DLGAP1: variants seen among roughly 807,000 people sequenced by gnomAD.
DLGAP1 encodes the protein disks large-associated protein 1.
Under a neutral mutation model 90.8 loss-of-function variants are expected in DLGAP1, and 11 were observed. The ratio of observed to expected loss-of-function variants is 0.12; its 90% confidence interval spans 0.08 to 0.20. DLGAP1 has a LOEUF of 0.20. Among genes scored for constraint, DLGAP1 ranks in the 10% least tolerant of loss-of-function variants. The probability of loss-of-function intolerance (pLI) is 1.00; values close to 1 mark genes in which losing one functional copy is unlikely to be tolerated. For missense variants in DLGAP1, 1,050 were observed against 1,333.8 expected, an observed-to-expected ratio of 0.79 and a Z score of 3.31; for synonymous variants, 558 against 540.7, an observed-to-expected ratio of 1.03 and a Z score of -0.44.
Position 3,879,208 on chromosome 18 carries a change from C to A in DLGAP1, c.861G>T (p.Arg287=). 2 of 1,561,720 alleles carry A rather than the reference C, an allele frequency of 1.3e-6. No homozygotes were observed. The highest frequency in any genetic ancestry group is 1.7e-6 in the Non-Finnish European group (2 of 1,154,214). ...SAWSSTLTVS[R]AREVYQKASV... Reference sequence around the variant, plus strand: ...AGGCCTTCTGGTAAACCTCCCGGGCCCGGCTCACGGTGAGCGTGGAGGACC... The same window carrying A: ...AGGCCTTCTGGTAAACCTCCCGGGCACGGCTCACGGTGAGCGTGGAGGACC... The change falls in exon 4 of 13, where the codon CGG becomes CGT. Residue 287 remains arginine (R), a synonymous_variant. Transcript: ENST00000315677. This position sits in a 1 kb window ranked among gnomAD's most constrained non-coding sequence, Gnocchi z 6.6.
At chr18:4,179,100 C>T (rs1283911893) in intron 1 of DLGAP1, among the ~76,000 whole-genome samples, 1 of 152,130 alleles carries the variant, frequency 6.6e-6, no homozygotes, top group Non-Finnish European at 1.5e-5. Flanking sequence ...CGCAGGACAA[C>T]AAAGCAGAGA....
chr18:4,083,473 T>C (rs1015843514), intron 2 of DLGAP1, among the ~76,000 whole-genome samples: 1 of 152,212 alleles, frequency 6.6e-6, no homozygotes, highest in African/African-American at 2.4e-5. Flanking sequence ...CATTTTAAAG[T>C]ACATTTATAT....
At chr18:4,331,345 G>A (rs11872541) in intron 1 of DLGAP1, among the ~76,000 whole-genome samples, 99,229 of 151,130 alleles carry the variant, frequency 0.66, 32,899 homozygotes, top group South Asian at 0.76. Flanking sequence ...CTTAGGAAAT[G>A]ACTCCATTCC....
chr18:4,373,741 C>T (rs770608816), intron 1 of DLGAP1, among the ~76,000 whole-genome samples: 49 of 152,120 alleles, frequency 3.2e-4, no homozygotes, highest in Admixed American at 9.2e-4. Context: ...TTCTTTAATT[C>T]GTCTCTCATT....
chr18:4,397,358 A>G (rs1322406891), intron 1 of DLGAP1, among the ~76,000 whole-genome samples: 1 of 152,224 alleles, frequency 6.6e-6, no homozygotes, highest in East Asian at 1.9e-4. Context: ...AAGTACTAAA[A>G]TAGATCATTT....
chr18:4,451,467 G>A (rs2083829313), intron 1 of DLGAP1, among the ~76,000 whole-genome samples: 1 of 152,126 alleles, frequency 6.6e-6, no homozygotes, highest in Non-Finnish European at 1.5e-5. Context: ...TTATCTGTGG[G>A]TGTCTAATAG....
chr18:4,254,085 T>A (rs912799693), intron 1 of DLGAP1, among the ~76,000 whole-genome samples: 4 of 152,134 alleles, frequency 2.6e-5, no homozygotes, highest in Non-Finnish European at 4.4e-5. Flanking sequence ...TCTCCCACAT[T>A]GTACTATGTC....
At chr18:3,959,637 C>A (rs2073155716) in intron 3 of DLGAP1, among the ~76,000 whole-genome samples, 1 of 149,522 alleles carries the variant, frequency 6.7e-6, no homozygotes, top group Non-Finnish European at 1.5e-5. Flanking sequence ...GCACTCCAGC[C>A]TGGGTGACAG....
intron 7 of DLGAP1, among the ~76,000 whole-genome samples, chr18:3,616,016 C>A (rs1008703088): frequency 6.6e-6 from 1 of 152,212 alleles, no homozygotes; most frequent in Non-Finnish European, 1.5e-5. Flanking sequence ...CTTTCTGTGG[C>A]TCTCAAATCA....
chr18:4,262,281 CTTAA>C (rs1481420455), intron 1 of DLGAP1, among the ~76,000 whole-genome samples: 1 of 152,124 alleles, frequency 6.6e-6, no homozygotes, highest in Non-Finnish European at 1.5e-5. Context: ...ATCTAATTCC[CTTAA>C]TTAAGAAAGT....
chr18:3,820,973 T>A (rs1172738577), intron 4 of DLGAP1, among the ~76,000 whole-genome samples: 1 of 152,240 alleles, frequency 6.6e-6, no homozygotes, highest in Non-Finnish European at 1.5e-5. Context: ...ACTATTTCCA[T>A]CTTACTGCTT....
chr18:3,496,797 A>C lies in DLGAP1; in HGVS notation c.*2388T>G, dbSNP rs2049709860. Reference sequence around the variant, plus strand: ...TTCTAACACCAATAATTAGCTTTTTATAAAGTGTTTGTACAATTTAAATTG... The same window carrying C: ...TTCTAACACCAATAATTAGCTTTTTCTAAAGTGTTTGTACAATTTAAATTG... On this transcript the variant is annotated 3_prime_UTR_variant, in exon 13 of 13. Transcript: ENST00000315677. 6.6e-6 allele frequency: 1 copy of C among 152,216 alleles called. No individual in the cohort carries two copies. The highest frequency in any genetic ancestry group is 1.5e-5 in the Non-Finnish European group (1 of 68,032). 9.4% of individuals were successfully genotyped at this position (152,216 alleles called of 1,614,324 possible).
At chr18:3,922,311 A>G (rs2072284817) in intron 3 of DLGAP1, among the ~76,000 whole-genome samples, 1 of 152,212 alleles carries the variant, frequency 6.6e-6, no homozygotes, top group Non-Finnish European at 1.5e-5. Flanking sequence ...TTGACAATGA[A>G]TGAAAAGGAG....
At chr18:3,615,390 C>A (rs934865736) in intron 7 of DLGAP1, among the ~76,000 whole-genome samples, 3 of 152,166 alleles carry the variant, frequency 2.0e-5, no homozygotes, top group African/African-American at 7.2e-5. Flanking sequence ...AGAGAAAGAG[C>A]ACAGATGCCT....
At chr18:3,645,407 C>T (rs185161546) in intron 7 of DLGAP1, among the ~76,000 whole-genome samples, 64 of 152,096 alleles carry the variant, frequency 4.2e-4, no homozygotes, top group African/African-American at 1.5e-3. Context: ...CTATGTATTG[C>T]CTGTAGGAAC....
chr18:3,663,270 T>TAAG (rs572639585), intron 7 of DLGAP1, among the ~76,000 whole-genome samples: 4 of 143,700 alleles, frequency 2.8e-5, no homozygotes, highest in African/African-American at 1.0e-4. Context: ...AGACTCCCCC[T>TAAG]AAAAAAAAAA....
chr18:4,403,539 C>T (rs771548552), intron 1 of DLGAP1, among the ~76,000 whole-genome samples: 6 of 152,040 alleles, frequency 3.9e-5, no homozygotes, highest in Non-Finnish European at 8.8e-5. Context: ...CTTTAAATTA[C>T]GCACAAAAAT....
intron 3 of DLGAP1, chr18:3,978,193 G>A (rs891570065): frequency 9.4e-6 from 4 of 423,514 alleles, no homozygotes; most frequent in African/African-American, 4.1e-5. Flanking sequence ...AGGCGTTGCC[G>A]ATGATCTTGA....
In DLGAP1 at chr18:4,097,245, G is replaced by C. The variant is rs1055093772; in HGVS notation, c.-159+53935C>G. On this transcript the variant is annotated intron_variant, in intron 2 of 12. Coordinates refer to ENST00000315677, the MANE Select transcript of DLGAP1 (RefSeq NM_004746.4). ...ACTGCATTATGCTCAGTCCGTGGTG[G>C]GGATCTGATTGTTTCCTTGAACTTG... is the stretch of plus-strand genomic sequence containing the variant. Among the ~76,000 whole-genome samples, 3 of 152,162 alleles carry C rather than the reference G, an allele frequency of 2.0e-5. 1 individual carries two copies. The highest frequency in any genetic ancestry group is 2.0e-4 in the Admixed American group (3 of 15,282).
Sources: gnomAD v4.1 joint callset for allele counts (sites outside exome capture counted in the v4.1 genomes callset) on GRCh38, gnomAD v4.1.1 for gene constraint, Gnocchi (gnomAD v3.1) non-coding constraint, MANE v1.5 for transcripts, NCBI Gene and HGNC (gene_info 2026-07-23, HGNC 2026-07-21) for gene names.